Variants in KAZN observed in about 807,000 individuals in gnomAD.
KAZN encodes the protein kazrin, periplakin interacting protein.
In KAZN, 40 loss-of-function variants were observed where a neutral mutation model predicts 87.4. The ratio of observed to expected loss-of-function variants is 0.46; its 90% CI spans 0.36 to 0.60. The LOEUF (loss-of-function observed/expected upper bound fraction) is 0.60, where lower values mean the gene tolerates loss of function less well. KAZN is among the 20% of genes least tolerant of loss of function. KAZN has a pLI of 0.00. For synonymous variants in KAZN, 466 were observed against 458.3 expected, an observed-to-expected ratio of 1.02 and a Z score of -0.22; for missense variants, 898 against 1,073.9, an observed-to-expected ratio of 0.84 and a Z score of 2.29.
intron 2 of KAZN, among the ~76,000 whole-genome samples, chr1:14,284,585 T>C (rs1653098094): frequency 6.6e-6 from 1 of 152,134 alleles, no homozygotes; most frequent in Non-Finnish European, 1.5e-5. Flanking sequence ...GTCTTTATTC[T>C]CAGAGTAAGG....
At chr1:14,397,702 C>T (rs1022683605) in intron 2 of KAZN, among the ~76,000 whole-genome samples, 1 of 150,082 alleles carries the variant, frequency 6.7e-6, no homozygotes, top group Non-Finnish European at 1.5e-5. Flanking sequence ...ACTAAAAATA[C>T]AAAAAAAAAT....
intron 13 of KAZN, 82 bp from the exon 14 acceptor site, chr1:15,112,345 G>C (rs1370561013): frequency 7.8e-6 from 3 of 386,200 alleles, no homozygotes; most frequent in South Asian, 6.6e-5. Context: ...GTGTGTGTGT[G>C]TGTGTGTGTG....
intron 1 of KAZN, among the ~76,000 whole-genome samples, chr1:14,057,648 C>G (rs907384575): frequency 6.6e-6 from 1 of 152,198 alleles, no homozygotes; most frequent in African/African-American, 2.4e-5. Flanking sequence ...TGTATCGTTT[C>G]TCCATCCAGC....
At chr1:14,313,236 C>T (rs1047903752) in intron 2 of KAZN, among the ~76,000 whole-genome samples, 1 of 152,114 alleles carries the variant, frequency 6.6e-6, no homozygotes, top group African/African-American at 2.4e-5. Flanking sequence ...AGCCCCCCAC[C>T]GAAAGGTTAT....
In KAZN at chr1:14,576,332, G is replaced by GGATA. The variant is rs1276972782; in HGVS notation, c.250-22649_250-22648insTAGA. ...TGGATGGATGGATGGATGGATGGAT[G>GGATA]GACGGACAGATAAATAGATGGGTAG... On this transcript the variant is annotated intron_variant, in intron 2 of 16. Coordinates refer to the KAZN transcript ENST00000636203. Among the ~76,000 whole-genome samples the GGATA allele has an allele frequency of 2.0e-3, 218 of 108,352 alleles. 1 individual carries two copies. The highest frequency in any genetic ancestry group is 7.9e-3 in the African/African-American group (213 of 27,060). The allele number at this position is 108,352 out of a possible 152,430, so 71.1% of individuals were successfully genotyped here.
rs1161498561 is a variant in KAZN, at chr1:14,183,952, T to C, written c.249+3360T>C. 2.0e-5 allele frequency among the ~76,000 whole-genome samples: 3 copies of C among 152,046 alleles called. No homozygotes were observed. In the East Asian group the frequency reaches 5.8e-4, roughly 29 times the overall value. On this transcript the variant is annotated intron_variant, in intron 2 of 16. Coordinates refer to the KAZN transcript ENST00000636203. Reference sequence around the variant, plus strand: ...CTGGACAGGAAGTGGGTAGCCTCTTTGCCTAAAACTTGGCCTGTACTGGGA... The same window carrying C: ...CTGGACAGGAAGTGGGTAGCCTCTTCGCCTAAAACTTGGCCTGTACTGGGA...
chr1:15,109,486 C>T (rs1241047743), intron 13 of KAZN, among the ~76,000 whole-genome samples: 2 of 152,172 alleles, frequency 1.3e-5, no homozygotes, highest in African/African-American at 4.8e-5. Context: ...TGAGCAGGAA[C>T]TCCAACCACG....
intron 12 of KAZN, 145 bp from the exon 13 acceptor site, chr1:15,103,878 G>A: frequency 1.3e-6 from 1 of 771,670 alleles, no homozygotes; most frequent in Non-Finnish European, 2.1e-6. Flanking sequence ...AAATTGGGGA[G>A]GGGTTCCTCT....
Position 15,035,001 on chromosome 1 carries a change from C to T in KAZN, c.555+116C>T, listed in dbSNP as rs911081754. The T allele has an allele frequency of 2.3e-6, 3 of 1,298,218 alleles. No homozygotes were observed. The African/African-American group carries it at 4.4e-5, about 19-fold the overall frequency. The allele number at this position is 1,298,218 out of a possible 1,614,324, so 80.4% of individuals were successfully genotyped here. On this transcript the variant is annotated intron_variant, in intron 3 of 14. Coordinates refer to ENST00000376030, the MANE Select transcript of KAZN (RefSeq NM_201628.3). ...GAATCCCCAAACACAGATAGGGAGG[C>T]CCTTGATGTGTCCAGCCAGGCCTAG...
intron 2 of KAZN, among the ~76,000 whole-genome samples, chr1:14,563,874 C>CTTTGTTTTTTTTTTTTTT (rs1674393570): frequency 1.0e-5 from 1 of 97,928 alleles, no homozygotes; most frequent in Non-Finnish European, 2.0e-5. Context: ...GTTCAAACTC[C>CTTTGTTTTTTTTTTTTTT]TTTTTTTTTT....
intron 1 of KAZN, among the ~76,000 whole-genome samples, chr1:14,793,130 G>A (rs1358556812): frequency 2.0e-5 from 3 of 152,148 alleles, no homozygotes; most frequent in Admixed American, 6.5e-5. Flanking sequence ...ATGGACCCCC[G>A]ACTTCGGTGG....
At chr1:14,526,040 C>T (rs1294868425) in intron 2 of KAZN, among the ~76,000 whole-genome samples, 1 of 152,162 alleles carries the variant, frequency 6.6e-6, no homozygotes, top group African/African-American at 2.4e-5. Flanking sequence ...CCAGCATTGT[C>T]GTCATTATGA....
At chr1:14,684,266 G>A (rs1459145831) in intron 1 of KAZN, among the ~76,000 whole-genome samples, 1 of 152,196 alleles carries the variant, frequency 6.6e-6, no homozygotes, top group East Asian at 1.9e-4. Context: ...CGTTGGGGCT[G>A]TGGGCAGAGG....
chr1:14,534,107 G>A (rs1672355014), intron 2 of KAZN, among the ~76,000 whole-genome samples: 1 of 152,118 alleles, frequency 6.6e-6, no homozygotes, highest in African/African-American at 2.4e-5. Context: ...CAAGGACGGA[G>A]GTGCATCCAG....
intron 2 of KAZN, among the ~76,000 whole-genome samples, chr1:14,386,072 CTTCT>C (rs1326346212): frequency 1.0e-4 from 15 of 150,696 alleles, no homozygotes; most frequent in East Asian, 5.9e-4. Flanking sequence ...ATGTAATGGC[CTTCT>C]TTGTCTCTTT....
intron 2 of KAZN, among the ~76,000 whole-genome samples, chr1:14,312,987 T>C (rs1655405911): frequency 1.3e-5 from 2 of 152,138 alleles, no homozygotes; most frequent in Non-Finnish European, 2.9e-5. Flanking sequence ...ACAGAAACTG[T>C]GAGATTGTAA....
At chr1:14,895,609 G>A (rs77780120) in intron 1 of KAZN, among the ~76,000 whole-genome samples, 2,220 of 152,306 alleles carry the variant, frequency 0.015, 55 homozygotes, top group African/African-American at 0.051. Flanking sequence ...CTCATCTTCC[G>A]GGAGGGTGGA....
intron 1 of KAZN, among the ~76,000 whole-genome samples, chr1:14,760,484 C>G (rs1644709583): frequency 6.6e-6 from 1 of 152,190 alleles, no homozygotes; most frequent in Non-Finnish European, 1.5e-5. Context: ...CCAGTTTGAA[C>G]ATGATTGGGC....
rs113355802 is a variant in KAZN at position 14,024,770 on chromosome 1, G to C, written c.91+131014G>C. 8.6e-3 allele frequency among the ~76,000 whole-genome samples: 1,303 copies of C among 152,150 alleles called. 11 individuals carry two copies. The highest frequency in any genetic ancestry group is 0.024 in the Middle Eastern group (7 of 294). On this transcript the variant is annotated intron_variant, in intron 1 of 16. Transcript: ENST00000636203. ...TAAAGAAGCTGGGCTATTCAAAGTT[G>C]AGGATCTCAACCTTGGCTTGCATAT...
Sources: gnomAD v4.1 joint callset for allele counts (sites outside exome capture counted in the v4.1 genomes callset) on GRCh38, gnomAD v4.1.1 for gene constraint, MANE v1.5 for transcripts, NCBI Gene and HGNC (gene_info 2026-07-23, HGNC 2026-07-21) for gene names.